Variants in ADGRL2 observed in about 807,000 individuals in gnomAD.
ADGRL2 encodes the protein calcium-independent alpha-latrotoxin receptor 2.
ADGRL2 carries 44 observed loss-of-function variants against 157.4 expected under a neutral mutation model. The ratio of observed to expected loss-of-function variants is 0.28; its 90% confidence interval spans 0.22 to 0.36. The LOEUF (loss-of-function observed/expected upper bound fraction) is 0.36. Among genes scored for constraint, ADGRL2 ranks in the 10% least tolerant of loss-of-function variants. The pLI, the probability that ADGRL2 is intolerant of heterozygous loss-of-function variation, is 1.00. For synonymous variants in ADGRL2, 585 were observed against 624.7 expected, an observed-to-expected ratio of 0.94 and a Z score of 0.95; for missense variants, 1,510 against 1,768.9, an observed-to-expected ratio of 0.85 and a Z score of 2.63.
chr1:81,667,090 G>A lies in ADGRL2; in HGVS notation c.-143+86110G>A, dbSNP rs1389638910. 2.0e-5 allele frequency among the ~76,000 whole-genome samples: 3 copies of A among 152,024 alleles called. No individual in the cohort carries two copies. The South Asian group carries it at 6.2e-4, about 32-fold the overall frequency. On this transcript the variant is annotated intron_variant, in intron 3 of 24. Transcript: ENST00000370721. ...TTTATAATACTACAAAGAAGCAATG[G>A]GATATTTTTGCCTCTGATTACCTGT...
chr1:81,491,920 C>T (rs1305190902), intron 2 of ADGRL2, among the ~76,000 whole-genome samples: 1 of 152,042 alleles, frequency 6.6e-6, no homozygotes, highest in Non-Finnish European at 1.5e-5. Context: ...CTGCAGTCAC[C>T]ATATGACATG....
At chr1:81,748,166 T>A (rs2149255994) in intron 1 of ADGRL2, among the ~76,000 whole-genome samples, 1 of 152,120 alleles carries the variant, frequency 6.6e-6, no homozygotes, top group East Asian at 1.9e-4. Flanking sequence ...AGGACTAAAA[T>A]GGTCAATTTT....
chr1:81,500,240 A>G (rs964386338), intron 2 of ADGRL2, among the ~76,000 whole-genome samples: 3 of 152,226 alleles, frequency 2.0e-5, no homozygotes, highest in African/African-American at 4.8e-5. Flanking sequence ...TGGAAATAGT[A>G]TGGTGGTCCT....
intron 1 of ADGRL2, among the ~76,000 whole-genome samples, chr1:81,803,392 GCTTTA>G (rs772643141): frequency 5.3e-5 from 8 of 152,084 alleles, no homozygotes; most frequent in African/African-American, 9.7e-5. Context: ...AATACTGGAA[GCTTTA>G]CTTAATGCTA....
At chr1:81,912,484 C>G (rs551154956) in intron 3 of ADGRL2, among the ~76,000 whole-genome samples, 1 of 152,082 alleles carries the variant, frequency 6.6e-6, no homozygotes, top group East Asian at 1.9e-4. Flanking sequence ...GTGCAGCAAG[C>G]CATTGTTTAT....
chr1:81,687,655 G>A (rs2083256576), intron 3 of ADGRL2, among the ~76,000 whole-genome samples: 1 of 152,190 alleles, frequency 6.6e-6, no homozygotes, highest in Admixed American at 6.5e-5. Context: ...GTATTGAAAT[G>A]TGAGGTATTG....
chr1:81,983,863 GA>G (rs2149470884), intron 19 of ADGRL2, among the ~76,000 whole-genome samples: 1 of 151,982 alleles, frequency 6.6e-6, no homozygotes, highest in Non-Finnish European at 1.5e-5. Context: ...AGCTTCAGGG[GA>G]AAAGGGAAAT....
intron 1 of ADGRL2, among the ~76,000 whole-genome samples, chr1:81,835,296 A>T (rs1306527162): frequency 1.3e-5 from 2 of 152,174 alleles, no homozygotes; most frequent in Non-Finnish European, 2.9e-5. Context: ...CCACGCGTTT[A>T]CATTATTCTG....
intron 1 of ADGRL2, among the ~76,000 whole-genome samples, chr1:81,707,693 T>G (rs1432769494): frequency 6.6e-6 from 1 of 152,156 alleles, no homozygotes; most frequent in East Asian, 1.9e-4. Flanking sequence ...GGATGCTCAG[T>G]GCTCGGTTCT....
At chr1:81,573,719 T>C (rs2080741770) in intron 2 of ADGRL2, among the ~76,000 whole-genome samples, 1 of 152,190 alleles carries the variant, frequency 6.6e-6, no homozygotes, top group Non-Finnish European at 1.5e-5. Flanking sequence ...GCCATGTTAG[T>C]GCATGTGTGT....
intron 1 of ADGRL2, among the ~76,000 whole-genome samples, chr1:81,803,038 G>T (rs1172182144): frequency 6.6e-6 from 1 of 152,152 alleles, no homozygotes; most frequent in Admixed American, 6.5e-5. Context: ...CAGTGAGAGG[G>T]CAGCAGCGGG....
At chr1:81,606,781 CGT>C (rs905144505) in intron 3 of ADGRL2, among the ~76,000 whole-genome samples, 8 of 113,122 alleles carry the variant, frequency 7.1e-5, no homozygotes, top group South Asian at 2.5e-4. Context: ...TGTGCGCACG[CGT>C]GTGTGTGTGT....
At chr1:81,830,882 AT>A (rs528170754) in intron 1 of ADGRL2, among the ~76,000 whole-genome samples, 85 of 152,184 alleles carry the variant, frequency 5.6e-4, no homozygotes, top group Non-Finnish European at 1.0e-3. Context: ...GAAACCTCTG[AT>A]GGTGATATTG....
rs1385796760 is a variant in ADGRL2 at position 81,993,080 on chromosome 1, TATATATA to T, written c.*1936_*1942del. 1.7e-3 allele frequency among the ~76,000 whole-genome samples: 49 copies of T among 29,480 alleles called. 2 individuals are homozygous for T. Among genetic ancestry groups the T allele is most frequent in the African/African-American group, 6.0e-3 (41 of 6,866 alleles). 19.3% of individuals were successfully genotyped at this position (29,480 alleles called of 152,430 possible). Reference sequence around the variant, plus strand: ...ATACATATATATATATATATATATATATATATATTTTTTTTTTTTTTTTTTTTTTTTT... The same window carrying T: ...ATACATATATATATATATATATATATTTTTTTTTTTTTTTTTTTTTTTTTT... On this transcript the variant is annotated 3_prime_UTR_variant, in exon 24 of 24. Transcript: ENST00000686636.
At chr1:81,403,336 C>A (rs916099704) in intron 1 of ADGRL2, among the ~76,000 whole-genome samples, 17 of 152,066 alleles carry the variant, frequency 1.1e-4, no homozygotes, top group Non-Finnish European at 2.4e-4. Context: ...ATGATCTCAG[C>A]TCGCTGCAAC....
chr1:81,577,210 T>G (rs1386599712), intron 2 of ADGRL2, among the ~76,000 whole-genome samples: 1 of 152,182 alleles, frequency 6.6e-6, no homozygotes, highest in African/African-American at 2.4e-5. Context: ...GGAAACGTCA[T>G]GATGTTTTCA....
At chr1:81,395,691 A>G (rs992766545) in intron 1 of ADGRL2, among the ~76,000 whole-genome samples, 2 of 152,156 alleles carry the variant, frequency 1.3e-5, no homozygotes, top group African/African-American at 2.4e-5. Context: ...ACATTTAAAT[A>G]TTTAACCCAT....
intron 18 of ADGRL2, 71 bp downstream of exon 18, chr1:81,980,031 G>T (rs1459469046): frequency 9.7e-6 from 8 of 826,466 alleles, no homozygotes; most frequent in Non-Finnish European, 1.6e-5. Context: ...GGGAACACAG[G>T]GATTTCTACC....
At chr1:81,554,842 C>T (rs1487935999) in intron 2 of ADGRL2, among the ~76,000 whole-genome samples, 1 of 151,862 alleles carries the variant, frequency 6.6e-6, no homozygotes, top group Non-Finnish European at 1.5e-5. Context: ...ACACACACAA[C>T]AAAAAGAGAA....
Sources: allele counts gnomAD v4.1 joint callset (sites outside exome capture counted in the v4.1 genomes callset), GRCh38; gene constraint gnomAD v4.1.1; transcripts MANE v1.5; gene names NCBI Gene and HGNC (gene_info 2026-07-23, HGNC 2026-07-21).